ANKRD17: variants seen among roughly 807,000 people sequenced by gnomAD.
ANKRD17 encodes ankyrin repeat domain 17.
In ANKRD17, 19 loss-of-function variants were observed where a neutral mutation model predicts 229.7. The observed-to-expected ratio is 0.08, with a 90% CI of 0.06 to 0.12. The LOEUF (loss-of-function observed/expected upper bound fraction) is 0.12. Among genes scored for constraint, ANKRD17 ranks in the 10% least tolerant of loss-of-function variants. The probability of loss-of-function intolerance (pLI) is 1.00; values close to 1 mark genes in which losing one functional copy is unlikely to be tolerated. For synonymous variants in ANKRD17, 1,112 were observed against 1,146.1 expected (o/e 0.97, Z 0.60); for missense variants, 2,176 against 3,176.8 (o/e 0.68, Z 7.57).
chr4:73,151,310 G>C, intron 7 of ANKRD17, 120 bp downstream of exon 7: 1 of 824,678 alleles, frequency 1.2e-6, no homozygotes, highest in Non-Finnish European at 1.9e-6. Flanking sequence ...TTGTACAACT[G>C]ATTCAATAAG....
At chr4:73,231,741 G>C (rs1193481668) in intron 1 of ANKRD17, among the ~76,000 whole-genome samples, 1 of 152,098 alleles carries the variant, frequency 6.6e-6, no homozygotes, top group African/African-American at 2.4e-5. Context: ...GAAAGACCAG[G>C]GGAAGATTAA....
chr4:73,168,938 A>T (rs1341472769), intron 2 of ANKRD17: 1 of 152,148 alleles, frequency 6.6e-6, no homozygotes, highest in Non-Finnish European at 1.5e-5. Context: ...CCTTCCTCCC[A>T]TTCTCAAGTA....
chr4:73,156,250 T>G (rs1456657596), intron 3 of ANKRD17, 84 bp from the exon 4 acceptor site: 1 of 1,457,536 alleles, frequency 6.9e-7, no homozygotes, highest in Non-Finnish European at 9.1e-7. Flanking sequence ...GATTGTTTTG[T>G]TTTTTGTTGT....
chr4:73,148,860 G>C lies in ANKRD17; in HGVS notation c.1520C>G (p.Ala507Gly). 6.2e-7 allele frequency: 1 copy of C among 1,614,012 alleles called. No individual in the cohort carries two copies. Among genetic ancestry groups the C allele is most frequent in the South Asian group, 1.1e-5 (1 of 91,078 alleles). ...NDEGYTPLME[A>G]AREGHEEMVA... ...CATTTCTTCATGTCCTTCTCGAGCTGCTTCCATCAATGGTGTATAACCTTC... is the reference window on the plus strand; with the variant it reads ...CATTTCTTCATGTCCTTCTCGAGCTCCTTCCATCAATGGTGTATAACCTTC... The change falls in exon 8 of 34, where the codon GCA becomes GGA. Residue 507 changes from alanine to glycine, a missense_variant. By Grantham distance (60) the Ala-to-Gly change is moderately conservative. This residue lies in a region of ANKRD17 where 42 missense variants were observed against 141.3 expected (regional missense o/e 0.30). Coordinates refer to ENST00000358602, the MANE Select transcript of ANKRD17 (RefSeq NM_032217.5).
At chr4:73,216,369 CAA>C (rs1741040535) in intron 1 of ANKRD17, among the ~76,000 whole-genome samples, 1 of 151,776 alleles carries the variant, frequency 6.6e-6, no homozygotes, top group South Asian at 2.1e-4. Context: ...CTCTCAGAAA[CAA>C]AAAACTTTTG....
intron 1 of ANKRD17, among the ~76,000 whole-genome samples, chr4:73,189,924 C>T (rs181494192): frequency 6.6e-6 from 1 of 152,242 alleles, no homozygotes; most frequent in Non-Finnish European, 1.5e-5. Context: ...AAAAATAGAA[C>T]ACATTATGAC....
chr4:73,098,281 T>C lies in ANKRD17; in HGVS notation c.4813A>G (p.Ser1605Gly). ...QPEKVNGESK[S>G]SSTSESGDSD... ...TCCCCACTCTCGCTGGTACTGCTGC[T>C]CTTGGACTCTCCATTCACCTTCTCT... The change falls in exon 26 of 34, where the codon AGC (serine) becomes GGC (glycine). Residue 1605 changes from serine (S) to glycine (G), a missense_variant. Transcript: ENST00000358602. 6.2e-7 allele frequency: 1 copy of C among 1,614,230 alleles called. No homozygotes were observed. Among genetic ancestry groups the C allele is most frequent in the Non-Finnish European group, 8.5e-7 (1 of 1,180,044 alleles).
intron 4 of ANKRD17, 118 bp downstream of exon 4, chr4:73,155,901 A>G (rs899753122): frequency 3.5e-5 from 52 of 1,480,690 alleles, no homozygotes; most frequent in African/African-American, 1.6e-4. Context: ...AAATTTATCT[A>G]ACAAAACTAT....
intron 30 of ANKRD17, among the ~76,000 whole-genome samples, chr4:73,079,966 C>T (rs559304790): frequency 1.4e-4 from 22 of 152,000 alleles, no homozygotes; most frequent in African/African-American, 3.9e-4. Flanking sequence ...ATTAGCCGGG[C>T]GTGGTGGCAC....
At chr4:73,219,196 A>G (rs1741526790) in intron 1 of ANKRD17, among the ~76,000 whole-genome samples, 1 of 152,222 alleles carries the variant, frequency 6.6e-6, no homozygotes, top group African/African-American at 2.4e-5. Context: ...CACTAGACCA[A>G]TTTAGGTTCT....
At chr4:73,212,712 T>C (rs1019591731) in intron 1 of ANKRD17, among the ~76,000 whole-genome samples, 1 of 152,148 alleles carries the variant, frequency 6.6e-6, no homozygotes. Context: ...ACTAGTTATT[T>C]CTTTGTGAAA....
chr4:73,183,597 C>T (rs1162424063), intron 1 of ANKRD17, among the ~76,000 whole-genome samples: 3 of 152,052 alleles, frequency 2.0e-5, no homozygotes, highest in South Asian at 2.1e-4. Context: ...CTTCAGCCTC[C>T]GGAGTAGCTG....
chr4:73,136,348 A>T (rs144178313), intron 15 of ANKRD17, among the ~76,000 whole-genome samples: 1 of 152,208 alleles, frequency 6.6e-6, no homozygotes, highest in Admixed American at 6.5e-5. Context: ...ACCAGGCAAA[A>T]GAGATTATGA....
chr4:73,206,422 AAGTGAGAGAGAGAGAGAG>A (rs1304986800), intron 1 of ANKRD17, among the ~76,000 whole-genome samples: 7 of 144,780 alleles, frequency 4.8e-5, no homozygotes, highest in Admixed American at 4.1e-4. Context: ...GAGAGAAAGA[AAGTGAGAGAGAGAGAGAG>A]AGAGAGAGAG....
At chr4:73,128,573 C>T (rs893871172) in intron 16 of ANKRD17, among the ~76,000 whole-genome samples, 6 of 152,100 alleles carry the variant, frequency 3.9e-5, no homozygotes. Flanking sequence ...ATTTATTAAG[C>T]ACCTTTTATA....
chr4:73,204,177 G>A (rs1438947474), intron 1 of ANKRD17, among the ~76,000 whole-genome samples: 1 of 151,754 alleles, frequency 6.6e-6, no homozygotes, highest in Non-Finnish European at 1.5e-5. Flanking sequence ...GTAACACAGT[G>A]AAAACCCGTC....
chr4:73,200,601 T>C (rs1331773110), intron 1 of ANKRD17, among the ~76,000 whole-genome samples: 7 of 152,162 alleles, frequency 4.6e-5, no homozygotes, highest in East Asian at 3.8e-4. Context: ...AACTCCATTA[T>C]GAAAGTAGTT....
intron 24 of ANKRD17, among the ~76,000 whole-genome samples, chr4:73,109,939 A>C (rs955737811): frequency 1.3e-5 from 2 of 149,652 alleles, no homozygotes; most frequent in Non-Finnish European, 3.0e-5. Context: ...CAGAGAATGA[A>C]ATGTGTGAAA....
chr4:73,229,059 C>T (rs1360523245), intron 1 of ANKRD17, among the ~76,000 whole-genome samples: 2 of 152,060 alleles, frequency 1.3e-5, no homozygotes, highest in African/African-American at 4.8e-5. Flanking sequence ...TGCATGTTCT[C>T]ACTCATAGGT....
Sources: gnomAD v4.1 joint callset for allele counts (sites outside exome capture counted in the v4.1 genomes callset) on GRCh38, gnomAD v4.1.1 for gene constraint, gnomAD v4.1.1 regional missense constraint, MANE v1.5 for transcripts, NCBI Gene and HGNC (gene_info 2026-07-23, HGNC 2026-07-21) for gene names.